Variants in CNTNAP3 observed in about 807,000 individuals in gnomAD.
CNTNAP3 encodes the protein contactin-associated protein-like 3.
In CNTNAP3, 36 loss-of-function variants were observed where a neutral mutation model predicts 92.1. The ratio of observed to expected loss-of-function variants is 0.39; its 90% CI spans 0.30 to 0.52. The LOEUF (loss-of-function observed/expected upper bound fraction) is 0.52, where lower values mean the gene tolerates loss of function less well. CNTNAP3 is among the 20% of genes least tolerant of loss of function. The pLI, the probability that CNTNAP3 is intolerant of heterozygous loss-of-function variation, is 0.76. For synonymous variants in CNTNAP3, 232 were observed against 422.3 expected (o/e 0.55, Z 5.53); for missense variants, 534 against 1,069.6 (o/e 0.50, Z 6.98).
chr9:39,121,574 T>C (rs1321375833), intron 13 of CNTNAP3, among the ~76,000 whole-genome samples: 2 of 152,154 alleles, frequency 1.3e-5, no homozygotes, highest in East Asian at 1.9e-4. Flanking sequence ...TCACAGCTAA[T>C]GGAGCCAAAG....
rs60137174 is a variant in CNTNAP3, at chr9:39,136,130, A to AAATAATAATAATAAT, written c.1877-3010_1877-2996dup. Among the ~76,000 whole-genome samples, 798 of 144,892 alleles carry AAATAATAATAATAAT rather than the reference A, an allele frequency of 5.5e-3. 3 individuals are homozygous for AAATAATAATAATAAT. Among genetic ancestry groups the AAATAATAATAATAAT allele is most frequent in the South Asian group, 0.034 (151 of 4,458 alleles). Reference sequence around the variant, plus strand: ...GGTGACAGAGCAAGCCTCTGTCTCAAAATAATAATAATAATAATAATAATA... The same window carrying AAATAATAATAATAAT: ...GGTGACAGAGCAAGCCTCTGTCTCAAAATAATAATAATAATAATAATAATAATAATAATAATAATA... On this transcript the variant is annotated intron_variant, in intron 12 of 23. Coordinates refer to ENST00000297668, the MANE Select transcript of CNTNAP3 (RefSeq NM_033655.5).
chr9:39,155,577 T>TA (rs1821939542), intron 9 of CNTNAP3: 2 of 150,702 alleles, frequency 1.3e-5, no homozygotes, highest in East Asian at 3.9e-4. Flanking sequence ...CCATGGCTGT[T>TA]AGATACTGAG....
rs569184734 is a variant in CNTNAP3 at position 39,086,660 on chromosome 9, A to G, written c.3354+56T>C. On this transcript the variant is annotated intron_variant, in intron 20 of 23. Transcript: ENST00000297668. ...TATTATCAAATTTTTTCATTAGATTATTTGTTCTTAAAATAATAATATTAG... is the reference window on the plus strand; with the variant it reads ...TATTATCAAATTTTTTCATTAGATTGTTTGTTCTTAAAATAATAATATTAG... 5.8e-6 allele frequency: 9 copies of G among 1,554,226 alleles called. 1 individual carries two copies. The highest frequency in any genetic ancestry group is 4.9e-5 in the East Asian group (2 of 40,926).
In CNTNAP3 at chr9:39,094,794, T is replaced by C. The variant is rs562629838; in HGVS notation, c.2995+5117A>G. Among the ~76,000 whole-genome samples the C allele has an allele frequency of 4.4e-3, 670 of 151,762 alleles. 1 individual carries two copies. The highest frequency in any genetic ancestry group is 0.016 in the African/African-American group (644 of 41,536). ...AAGAAGGGTGAATCCTCCAACTTTG[T>C]TCTTTTGTAAAATTGTTTTGCTTAT... On this transcript the variant is annotated intron_variant, in intron 18 of 23. Transcript: ENST00000297668.
In CNTNAP3 at chr9:39,067,228, T is replaced by C. The variant is rs1335845006; in HGVS notation, c.*6662A>G. 6.6e-6 allele frequency among the ~76,000 whole-genome samples: 1 copy of C among 152,312 alleles called. No homozygotes were observed. The highest frequency in any genetic ancestry group is 2.4e-5 in the African/African-American group (1 of 41,488). ...GCCTTTTCTTGTCACATCCTAATCTTTGAAAATACGGAATATAGTCATAAT... is the reference window on the plus strand; with the variant it reads ...GCCTTTTCTTGTCACATCCTAATCTCTGAAAATACGGAATATAGTCATAAT... On this transcript the variant is annotated 3_prime_UTR_variant, in exon 24 of 24. Coordinates refer to ENST00000297668, the MANE Select transcript of CNTNAP3 (RefSeq NM_033655.5).
In CNTNAP3 at chr9:39,071,459, T is replaced by C. The variant is rs1825634167; in HGVS notation, c.*2431A>G. ...AACCACTCTATTTTTAATATTAGAATTCTGAAGTTTTTAAGCATCAGAATC... is the reference window on the plus strand; with the variant it reads ...AACCACTCTATTTTTAATATTAGAACTCTGAAGTTTTTAAGCATCAGAATC... On this transcript the variant is annotated 3_prime_UTR_variant, in exon 24 of 24. Transcript: ENST00000297668. Among the ~76,000 whole-genome samples the C allele has an allele frequency of 2.0e-5, 3 of 151,412 alleles. No homozygotes were observed. The highest frequency in any genetic ancestry group is 1.5e-5 in the Non-Finnish European group (1 of 67,676).
rs1254388807 is a variant in CNTNAP3 at position 39,140,576 on chromosome 9, T to TA, written c.1818dup (p.Ile607TyrfsTer2). Reference sequence around the variant, plus strand: ...AGGGGGCCACTTCCATCTGCATCAATATAGTAAAGCCCAGACGGGTTCCCT... The same window carrying TA: ...AGGGGGCCACTTCCATCTGCATCAATAATAGTAAAGCCCAGACGGGTTCCCT... On this transcript the variant is annotated frameshift_variant, in exon 12 of 24. Transcript: ENST00000297668. LOFTEE classifies it high-confidence loss of function. The TA allele has an allele frequency of 6.2e-7, 1 of 1,613,630 alleles. No individual in the cohort carries two copies. Among genetic ancestry groups the TA allele is most frequent in the African/African-American group, 1.3e-5 (1 of 74,882 alleles).
chr9:39,146,473 A>C (rs1174687223), intron 10 of CNTNAP3, among the ~76,000 whole-genome samples: 3 of 152,134 alleles, frequency 2.0e-5, no homozygotes, highest in Non-Finnish European at 4.4e-5. Context: ...GTGGATGACG[A>C]GGTCAGGAGA....
chr9:39,103,934 C>T lies in CNTNAP3; in HGVS notation c.2366-20G>A, dbSNP rs757689022. The T allele has an allele frequency of 3.0e-5, 46 of 1,551,376 alleles. No individual in the cohort carries two copies. Among genetic ancestry groups the T allele is most frequent in the Middle Eastern group, 2.4e-4 (1 of 4,192 alleles). Reference sequence around the variant, plus strand: ...ATGACTCTGTTTACAATAGAGAAAACGACAAAAGGAAAAAAAGTCATGAAA... The same window carrying T: ...ATGACTCTGTTTACAATAGAGAAAATGACAAAAGGAAAAAAAGTCATGAAA... On this transcript the variant is annotated intron_variant, in intron 15 of 23. Transcript: ENST00000297668.
intron 9 of CNTNAP3, among the ~76,000 whole-genome samples, chr9:39,152,549 A>C (rs1821865212): frequency 1.4e-5 from 2 of 145,976 alleles, no homozygotes; most frequent in African/African-American, 5.2e-5. Context: ...GTTAAGAATT[A>C]AGAGGATTAT....
chr9:39,111,112 C>T (rs2117919487), intron 14 of CNTNAP3, among the ~76,000 whole-genome samples: 1 of 152,270 alleles, frequency 6.6e-6, no homozygotes, highest in Non-Finnish European at 1.5e-5. Flanking sequence ...TACTAGAATA[C>T]AATGCATAAT....
intron 13 of CNTNAP3, among the ~76,000 whole-genome samples, chr9:39,130,983 T>C (rs1485816239): frequency 6.6e-6 from 1 of 152,164 alleles, no homozygotes; most frequent in Non-Finnish European, 1.5e-5. Context: ...TCTACAATTA[T>C]CTCAAATTTT....
intron 4 of CNTNAP3, among the ~76,000 whole-genome samples, chr9:39,179,286 TACAC>T (rs4057871): frequency 0.069 from 5,544 of 80,726 alleles, 458 homozygotes; most frequent in African/African-American, 0.19. Flanking sequence ...TCTCTCTCTC[TACAC>T]ACACACACAC....
At chr9:39,126,453 C>T (rs934836591) in intron 13 of CNTNAP3, among the ~76,000 whole-genome samples, 1 of 151,998 alleles carries the variant, frequency 6.6e-6, no homozygotes, top group Non-Finnish European at 1.5e-5. Flanking sequence ...TTCCATGGGC[C>T]AGCATTACCC....
intron 18 of CNTNAP3, among the ~76,000 whole-genome samples, chr9:39,098,017 T>C (rs201379827): frequency 6.8e-6 from 1 of 147,312 alleles, no homozygotes; most frequent in Non-Finnish European, 1.5e-5. Context: ...ATCGATTTGC[T>C]TTGTAGGAAG....
intron 15 of CNTNAP3, among the ~76,000 whole-genome samples, chr9:39,108,655 T>A (rs1035486484): frequency 9.2e-5 from 14 of 152,156 alleles, no homozygotes; most frequent in African/African-American, 3.4e-4. Flanking sequence ...GGGCTTATAG[T>A]GCCACTGAGG....
intron 18 of CNTNAP3, 133 bp from the exon 19 acceptor site, chr9:39,088,780 T>G (rs1826126251): frequency 1.1e-6 from 1 of 948,952 alleles, no homozygotes; most frequent in South Asian, 1.6e-5. Flanking sequence ...CCTTTCCTGT[T>G]TTTTTATTTT....
rs1289106665 is a variant in CNTNAP3 at position 39,068,949 on chromosome 9, C to T, written c.*4941G>A. Among the ~76,000 whole-genome samples the T allele has an allele frequency of 6.6e-6, 1 of 152,412 alleles. No individual in the cohort carries two copies. The highest frequency in any genetic ancestry group is 1.5e-5 in the Non-Finnish European group (1 of 68,046). On this transcript the variant is annotated 3_prime_UTR_variant, in exon 24 of 24. Transcript: ENST00000297668. ...GCAGGAGGGTTAGAGGGTAAATATG[C>T]TCCCTATTACTCCATCTTAGCCAGA...
intron 13 of CNTNAP3, among the ~76,000 whole-genome samples, chr9:39,121,182 T>TA (rs1821010803): frequency 6.6e-6 from 1 of 150,940 alleles, no homozygotes; most frequent in South Asian, 2.1e-4. Flanking sequence ...CACTTCAAAA[T>TA]AAACATAGGC....
Sources: allele counts gnomAD v4.1 joint callset (sites outside exome capture counted in the v4.1 genomes callset), GRCh38; gene constraint gnomAD v4.1.1; transcripts MANE v1.5; gene names NCBI Gene and HGNC (gene_info 2026-07-23, HGNC 2026-07-21).